Variants in SHANK2 observed in about 807,000 individuals in gnomAD.
The protein encoded by SHANK2 is SH3 and multiple ankyrin repeat domains 2, also known as SH3 and multiple ankyrin repeat domains protein 2.
SHANK2 carries 43 observed loss-of-function variants against 133.7 expected under a neutral mutation model. The observed-to-expected ratio is 0.32, with a 90% CI of 0.25 to 0.41. The LOEUF is 0.41. SHANK2 is among the 10% of genes least tolerant of loss of function. The pLI, the probability that SHANK2 is intolerant of heterozygous loss-of-function variation, is 1.00. For missense variants in SHANK2, 1,994 were observed against 2,235.8 expected, an observed-to-expected ratio of 0.89 and a Z score of 2.18; for synonymous variants, 1,017 against 952.8, an observed-to-expected ratio of 1.07 and a Z score of -1.24.
chr11:70,518,502 C>A (rs1554970467), intron 17 of SHANK2, among the ~76,000 whole-genome samples: 1 of 152,226 alleles, frequency 6.6e-6, no homozygotes, highest in African/African-American at 2.4e-5. Flanking sequence ...AAGATGCACA[C>A]GTCACATCTG....
intron 1 of SHANK2, among the ~76,000 whole-genome samples, chr11:71,251,522 G>C (rs1555125851): frequency 2.0e-5 from 3 of 151,698 alleles, no homozygotes; most frequent in Non-Finnish European, 4.4e-5. Flanking sequence ...CGGTGGAGGC[G>C]CCTGGGCCGC....
intron 2 of SHANK2, among the ~76,000 whole-genome samples, chr11:71,187,642 T>C (rs1555114684): frequency 1.3e-5 from 2 of 152,210 alleles, no homozygotes; most frequent in Non-Finnish European, 2.9e-5. Context: ...TGGGTTTTCA[T>C]GTCAGGAATG....
chr11:71,179,913 C>G (rs1235013176), intron 2 of SHANK2, among the ~76,000 whole-genome samples: 1 of 152,186 alleles, frequency 6.6e-6, no homozygotes, highest in Non-Finnish European at 1.5e-5. Context: ...CAACAAAACA[C>G]TGCTGCAAGA....
chr11:70,826,063 C>T (rs1400556189), intron 11 of SHANK2, among the ~76,000 whole-genome samples: 6 of 152,224 alleles, frequency 3.9e-5, no homozygotes, highest in African/African-American at 1.4e-4. Flanking sequence ...AAGGTAGCCA[C>T]CCATTTGGTG....
intron 15 of SHANK2, among the ~76,000 whole-genome samples, chr11:70,695,162 G>A (rs1397007984): frequency 1.3e-5 from 2 of 152,154 alleles, no homozygotes; most frequent in Non-Finnish European, 2.9e-5. Context: ...TGAGGGAGGT[G>A]GAGCGGGGAG....
rs563322967 is a variant in SHANK2, at chr11:71,191,528, A to G, written c.-13+33169T>C. ...CATCCCTCCACGCATCCACAGGGTC[A>G]TCTGTTTCCTCATCTCCTCCTCTGT... On this transcript the variant is annotated intron_variant, in intron 2 of 25. Coordinates refer to ENST00000601538, the MANE Select transcript of SHANK2 (RefSeq NM_012309.5). Among the ~76,000 whole-genome samples, 6 of 152,114 alleles carry G rather than the reference A, an allele frequency of 3.9e-5. No homozygotes were observed. The South Asian group carries it at 1.2e-3, about 32-fold the overall frequency.
chr11:70,580,576 TG>T (rs2060171171), intron 17 of SHANK2, among the ~76,000 whole-genome samples: 1 of 152,226 alleles, frequency 6.6e-6, no homozygotes, highest in Non-Finnish European at 1.5e-5. Context: ...GGGCACCTGG[TG>T]GCACCCACGG....
At chr11:70,863,979 T>C in intron 11 of SHANK2, 1 of 402,086 alleles carries the variant, frequency 2.5e-6, no homozygotes. Context: ...TGATACTTTC[T>C]TATGGCAGCC....
At chr11:70,528,947 T>C (rs1475423881) in intron 17 of SHANK2, among the ~76,000 whole-genome samples, 8 of 151,966 alleles carry the variant, frequency 5.3e-5, no homozygotes, top group Non-Finnish European at 4.4e-5. Flanking sequence ...CGTGACGATT[T>C]CCCCCCACTG....
intron 11 of SHANK2, among the ~76,000 whole-genome samples, chr11:70,845,543 G>A (rs1475139474): frequency 2.0e-5 from 3 of 152,158 alleles, no homozygotes; most frequent in African/African-American, 7.2e-5. Context: ...CGAGGATAGA[G>A]AGGCGGTGTT....
intron 1 of SHANK2, among the ~76,000 whole-genome samples, chr11:71,243,786 T>G (rs1555124684): frequency 6.6e-6 from 1 of 152,150 alleles, no homozygotes. Flanking sequence ...TGGACACATT[T>G]CTGGTGGGAC....
intron 1 of SHANK2, among the ~76,000 whole-genome samples, chr11:71,236,939 C>T (rs1050439585): frequency 2.6e-5 from 4 of 152,358 alleles, no homozygotes; most frequent in Non-Finnish European, 4.4e-5. Flanking sequence ...CTGCAGGCAG[C>T]GGCCGGGAGG....
At chr11:70,710,581 T>C (rs1945761828) in intron 14 of SHANK2, among the ~76,000 whole-genome samples, 1 of 152,208 alleles carries the variant, frequency 6.6e-6, no homozygotes, top group African/African-American at 2.4e-5. Context: ...ACCGAACTAA[T>C]CTCATCATCT....
At chr11:70,528,678 T>A (rs1418019199) in intron 17 of SHANK2, among the ~76,000 whole-genome samples, 3 of 151,866 alleles carry the variant, frequency 2.0e-5, no homozygotes, top group Admixed American at 6.6e-5. Flanking sequence ...GATTCTTTAC[T>A]ATGCCCTGAC....
intron 2 of SHANK2, among the ~76,000 whole-genome samples, chr11:71,194,003 G>A (rs1555115841): frequency 1.3e-5 from 2 of 152,120 alleles, no homozygotes; most frequent in Non-Finnish European, 2.9e-5. Context: ...TGAATTTGCG[G>A]GGACACAGTT....
At chr11:70,519,834 C>T (rs1036853257) in intron 17 of SHANK2, among the ~76,000 whole-genome samples, 3 of 151,578 alleles carry the variant, frequency 2.0e-5, no homozygotes, top group Admixed American at 6.6e-5. Flanking sequence ...CTCCTGGGCT[C>T]GAGTGATTCT....
At chr11:70,869,907 G>A (rs2135535993) in intron 11 of SHANK2, among the ~76,000 whole-genome samples, 1 of 152,236 alleles carries the variant, frequency 6.6e-6, no homozygotes, top group Non-Finnish European at 1.5e-5. Flanking sequence ...TCTGCCTGAA[G>A]CTCCCCAGGC....
At chr11:70,650,521 T>C (rs2061327393) in intron 17 of SHANK2, among the ~76,000 whole-genome samples, 1 of 152,174 alleles carries the variant, frequency 6.6e-6, no homozygotes, top group South Asian at 2.1e-4. Flanking sequence ...TTCAGCACCC[T>C]GGAGAGATCC....
rs367913415 is a variant in SHANK2 at position 70,930,659 on chromosome 11, C to CTTTTTTTTTTTTTTTTTT, written c.1108-34093_1108-34092insAAAAAAAAAAAAAAAAAA. Among the ~76,000 whole-genome samples the CTTTTTTTTTTTTTTTTTT allele has an allele frequency of 3.5e-5, 4 of 114,144 alleles. 1 individual carries two copies. Among genetic ancestry groups the CTTTTTTTTTTTTTTTTTT allele is most frequent in the Non-Finnish European group, 5.4e-5 (3 of 55,820 alleles). 74.9% of individuals were successfully genotyped at this position (114,144 alleles called of 152,430 possible). On this transcript the variant is annotated intron_variant, in intron 10 of 25. Coordinates refer to ENST00000601538, the MANE Select transcript of SHANK2 (RefSeq NM_012309.5). ...TTTTCTCTTGTTTTTATTTCTTTGT[C>CTTTTTTTTTTTTTTTTTT]TTTTTTTTTTCTTTTTTTTTTTGAG... is the stretch of plus-strand genomic sequence containing the variant.
Sources: allele counts gnomAD v4.1 joint callset (sites outside exome capture counted in the v4.1 genomes callset), GRCh38; gene constraint gnomAD v4.1.1; transcripts MANE v1.5; gene names NCBI Gene and HGNC (gene_info 2026-07-23, HGNC 2026-07-21).